Variants in E2F3 observed in about 807,000 individuals in gnomAD.
The protein encoded by E2F3 is E2F transcription factor 3.
Under a neutral mutation model 44.4 loss-of-function variants are expected in E2F3, and 11 were observed. The observed-to-expected ratio is 0.25, with a 90% confidence interval of 0.16 to 0.41. The LOEUF is 0.41. Ranked by LOEUF, E2F3 falls within the 10% of genes least tolerant of loss-of-function variation. The pLI is 1.00. For missense variants in E2F3, 487 were observed against 583.6 expected (o/e 0.83, Z 1.70); for synonymous variants, 249 against 253.0 (o/e 0.98, Z 0.15).
intron 1 of E2F3, among the ~76,000 whole-genome samples, chr6:20,464,955 G>A (rs1373492900): frequency 6.6e-6 from 1 of 152,174 alleles, no homozygotes; most frequent in East Asian, 1.9e-4. Flanking sequence ...TAGGTAAAGA[G>A]GCACAACTTC....
intron 1 of E2F3, among the ~76,000 whole-genome samples, chr6:20,464,089 G>C (rs1289880181): frequency 1.3e-5 from 2 of 152,188 alleles, no homozygotes; most frequent in Non-Finnish European, 2.9e-5. Context: ...GCCCTCCCCA[G>C]GTGTGCCACC....
intron 1 of E2F3, among the ~76,000 whole-genome samples, chr6:20,404,242 C>T (rs1362778010): frequency 2.6e-5 from 4 of 152,162 alleles, no homozygotes; most frequent in Non-Finnish European, 4.4e-5. Flanking sequence ...CCACCCCCTC[C>T]CTTTGTCCCT....
intron 1 of E2F3, chr6:20,444,992 C>A: frequency 1.3e-6 from 1 of 785,368 alleles, no homozygotes; most frequent in Non-Finnish European, 1.5e-6. Flanking sequence ...ATAATAGATG[C>A]TCAATACATG....
rs769052375 is a variant in E2F3, at chr6:20,482,742, G to C, written c.726-20G>C. ...TCCCTCCCATGAGTAGCCATGAAGAGTCTGTGTTTGGGTTTCTAGGGGCTG... is the reference window on the plus strand; with the variant it reads ...TCCCTCCCATGAGTAGCCATGAAGACTCTGTGTTTGGGTTTCTAGGGGCTG... On this transcript the variant is annotated intron_variant, in intron 3 of 6. Transcript: ENST00000346618. 1.3e-6 allele frequency: 2 copies of C among 1,578,956 alleles called. No homozygotes were observed. Among genetic ancestry groups the C allele is most frequent in the South Asian group, 2.3e-5 (2 of 85,796 alleles).
chr6:20,469,331 T>C (rs900347841), intron 1 of E2F3, among the ~76,000 whole-genome samples: 5 of 152,162 alleles, frequency 3.3e-5, no homozygotes, highest in African/African-American at 1.2e-4. Context: ...AGAACTAAAA[T>C]GGCTAAACCA....
At chr6:20,430,894 G>T (rs575070820) in intron 1 of E2F3, among the ~76,000 whole-genome samples, 1 of 152,044 alleles carries the variant, frequency 6.6e-6, no homozygotes, top group East Asian at 1.9e-4. Context: ...GCATGGTGGC[G>T]CACACCTGTC....
chr6:20,435,576 C>A (rs2127594478), intron 1 of E2F3, among the ~76,000 whole-genome samples: 1 of 152,276 alleles, frequency 6.6e-6, no homozygotes, highest in South Asian at 2.1e-4. Flanking sequence ...CATGGTGAAA[C>A]CCTGTCTTTA....
intron 4 of E2F3, among the ~76,000 whole-genome samples, chr6:20,484,614 A>G (rs1762331653): frequency 6.6e-6 from 1 of 152,228 alleles, no homozygotes; most frequent in African/African-American, 2.4e-5. Context: ...GTAGTGACCT[A>G]AAACCCAGAA....
At chr6:20,409,408 G>A (rs1759595578) in intron 1 of E2F3, among the ~76,000 whole-genome samples, 1 of 152,218 alleles carries the variant, frequency 6.6e-6, no homozygotes, top group Non-Finnish European at 1.5e-5. Context: ...GTCTTCTGTG[G>A]TTATATCAAT....
chr6:20,468,404 A>G (rs9295471), intron 1 of E2F3, among the ~76,000 whole-genome samples: 116,692 of 152,148 alleles, frequency 0.77, 44,928 homozygotes, highest in Non-Finnish European at 0.79. Flanking sequence ...ATTATAAACG[A>G]TATCACAGAG....
intron 1 of E2F3, among the ~76,000 whole-genome samples, chr6:20,468,278 A>T (rs1447419191): frequency 6.6e-6 from 1 of 152,188 alleles, no homozygotes; most frequent in Non-Finnish European, 1.5e-5. Context: ...AGGTTGTTTT[A>T]CCTGTGCCTC....
chr6:20,483,628 C>T (rs1238575418), intron 4 of E2F3, among the ~76,000 whole-genome samples: 2 of 152,118 alleles, frequency 1.3e-5, no homozygotes, highest in African/African-American at 2.4e-5. Context: ...AATCTATTGA[C>T]GATCTCAGGA....
At chr6:20,415,564 C>G (rs112321473) in intron 1 of E2F3, among the ~76,000 whole-genome samples, 1 of 152,250 alleles carries the variant, frequency 6.6e-6, no homozygotes, top group Admixed American at 6.5e-5. Flanking sequence ...AGCAAAATCA[C>G]CCCCAGCTGA....
At chr6:20,454,582 A>G (rs1581620604) in intron 1 of E2F3, among the ~76,000 whole-genome samples, 1 of 152,178 alleles carries the variant, frequency 6.6e-6, no homozygotes, top group Non-Finnish European at 1.5e-5. Flanking sequence ...GAATCTTGCC[A>G]CTGGGTCAGT....
intron 1 of E2F3, among the ~76,000 whole-genome samples, chr6:20,409,634 A>G (rs968786023): frequency 6.6e-6 from 1 of 152,244 alleles, no homozygotes; most frequent in African/African-American, 2.4e-5. Flanking sequence ...GTTAGCTCCA[A>G]GATTTCTGGT....
At chr6:20,409,544 A>C (rs9465733) in intron 1 of E2F3, among the ~76,000 whole-genome samples, 102,411 of 152,002 alleles carry the variant, frequency 0.67, 34,614 homozygotes, top group African/African-American at 0.72. Context: ...CTGGGCCACC[A>C]ACATCCTGAG....
chr6:20,488,616 T>G (rs532809504), intron 6 of E2F3, among the ~76,000 whole-genome samples: 3 of 152,210 alleles, frequency 2.0e-5, no homozygotes, highest in Admixed American at 1.3e-4. Flanking sequence ...TGAAAAAGGT[T>G]TGAGGAGAAA....
chr6:20,460,465 T>G (rs6939190), intron 1 of E2F3, among the ~76,000 whole-genome samples: 135,620 of 152,102 alleles, frequency 0.89, 60,639 homozygotes, highest in East Asian at 0.94. Context: ...AAAGGAAAGA[T>G]GTACCTTGGC....
chr6:20,458,594 C>T (rs1361048613), intron 1 of E2F3, among the ~76,000 whole-genome samples: 1 of 152,152 alleles, frequency 6.6e-6, no homozygotes, highest in Non-Finnish European at 1.5e-5. Context: ...AGAGCCAACC[C>T]ATATCTTATC....
Sources: allele counts gnomAD v4.1 joint callset (sites outside exome capture counted in the v4.1 genomes callset), GRCh38; gene constraint gnomAD v4.1.1; transcripts MANE v1.5; gene names NCBI Gene and HGNC (gene_info 2026-07-23, HGNC 2026-07-21).